The following SLC16A12 variants were observed in gnomAD, a reference collection of about 807,000 sequenced individuals.
The protein encoded by SLC16A12 is solute carrier family 16 member 12.
In SLC16A12, 17 loss-of-function variants were observed where a neutral mutation model predicts 42.4. The observed-to-expected ratio is 0.40, with a 90% CI of 0.27 to 0.60. SLC16A12 has a LOEUF of 0.60. SLC16A12 is among the 20% of genes least tolerant of loss of function. The pLI, the probability that SLC16A12 is intolerant of heterozygous loss-of-function variation, is 0.42. For synonymous variants in SLC16A12, 224 were observed against 229.4 expected (o/e 0.98, Z 0.21); for missense variants, 544 against 623.0 (o/e 0.87, Z 1.35).
chr10:89,454,127 G>A (rs946441988), intron 3 of SLC16A12, among the ~76,000 whole-genome samples: 5 of 151,646 alleles, frequency 3.3e-5, no homozygotes, highest in African/African-American at 4.8e-5. Flanking sequence ...CAAGCGATTC[G>A]CCTACCCCCT....
intron 2 of SLC16A12, among the ~76,000 whole-genome samples, chr10:89,493,029 G>A (rs1842868971): frequency 6.6e-6 from 1 of 151,968 alleles, no homozygotes; most frequent in Admixed American, 6.6e-5. Context: ...TTCTTTTCAT[G>A]GGGTTCCCAA....
chr10:89,491,136 A>C (rs1258756235), intron 2 of SLC16A12, among the ~76,000 whole-genome samples: 1 of 152,238 alleles, frequency 6.6e-6, no homozygotes, highest in Non-Finnish European at 1.5e-5. Flanking sequence ...CCATGAGGCA[A>C]AAGATGCGTC....
intron 2 of SLC16A12, among the ~76,000 whole-genome samples, chr10:89,468,660 C>G (rs1314332532): frequency 2.0e-5 from 3 of 152,168 alleles, no homozygotes; most frequent in Admixed American, 2.0e-4. Context: ...CAAAACAGGT[C>G]ATTTAATAGA....
At chr10:89,555,479 ATATATACGTATATATACG>A (rs1346352982) in intron 2 of SLC16A12, among the ~76,000 whole-genome samples, 9 of 147,304 alleles carry the variant, frequency 6.1e-5, no homozygotes, top group African/African-American at 9.9e-5. Flanking sequence ...ATATATGTGT[ATATATACGTATATATACG>A]TATATACGTA....
intron 4 of SLC16A12, among the ~76,000 whole-genome samples, chr10:89,441,565 A>C (rs978993103): frequency 6.6e-6 from 1 of 152,188 alleles, no homozygotes; most frequent in Non-Finnish European, 1.5e-5. Flanking sequence ...TCTAAATTAC[A>C]TGTCATTTGC....
chr10:89,488,225 G>A (rs1842792935), intron 2 of SLC16A12, among the ~76,000 whole-genome samples: 1 of 151,898 alleles, frequency 6.6e-6, no homozygotes, highest in African/African-American at 2.4e-5. Context: ...TATTCCCTGA[G>A]TCTACAGAAA....
intron 2 of SLC16A12, among the ~76,000 whole-genome samples, chr10:89,528,730 A>G (rs1389434208): frequency 6.6e-6 from 1 of 152,198 alleles, no homozygotes; most frequent in Non-Finnish European, 1.5e-5. Flanking sequence ...TAGTTTCTCA[A>G]CCCTGGCTGT....
intron 3 of SLC16A12, among the ~76,000 whole-genome samples, chr10:89,444,991 C>T (rs1009129185): frequency 1.1e-4 from 17 of 152,272 alleles, no homozygotes; most frequent in Non-Finnish European, 2.2e-4. Context: ...GAGCCTTGCT[C>T]ACTGCTAGCG....
At chr10:89,552,424 A>G (rs945798265) in intron 2 of SLC16A12, among the ~76,000 whole-genome samples, 10 of 152,242 alleles carry the variant, frequency 6.6e-5, no homozygotes, top group Non-Finnish European at 1.5e-4. Context: ...GGAGTTAGGC[A>G]TCATCTGGAG....
intron 2 of SLC16A12, among the ~76,000 whole-genome samples, chr10:89,488,310 T>C (rs1842794756): frequency 6.6e-6 from 1 of 152,276 alleles, no homozygotes; most frequent in South Asian, 2.1e-4. Flanking sequence ...AAAGAATGAA[T>C]AGCAGCTACT....
chr10:89,483,761 A>AAC (rs1842706363), intron 2 of SLC16A12, among the ~76,000 whole-genome samples: 1 of 151,662 alleles, frequency 6.6e-6, no homozygotes, highest in African/African-American at 2.4e-5. Flanking sequence ...AAACAAAAAA[A>AAC]AAAAAACGGA....
chr10:89,444,391 T>C (rs562849804), intron 3 of SLC16A12, among the ~76,000 whole-genome samples: 4 of 152,270 alleles, frequency 2.6e-5, no homozygotes. Context: ...TATAAGAGGA[T>C]ATATTCTGGA....
chr10:89,502,575 G>C (rs1843004754), intron 2 of SLC16A12, among the ~76,000 whole-genome samples: 1 of 152,206 alleles, frequency 6.6e-6, no homozygotes, highest in Non-Finnish European at 1.5e-5. Flanking sequence ...GCTTGCCCAG[G>C]AGTTTGCAGC....
rs1841779708 is a variant in SLC16A12, at chr10:89,436,047, T to G, written c.1288+13A>C. 1.2e-6 allele frequency: 2 copies of G among 1,613,548 alleles called. No individual in the cohort carries two copies. Among genetic ancestry groups the G allele is most frequent in the Middle Eastern group, 1.7e-4 (1 of 5,982 alleles). ...AGAGAAAAGGTGGTTGGGGTTTCTC[T>G]CTGGAAACTTACCTGCGATGGGTGG... On this transcript the variant is annotated intron_variant, in intron 7 of 7. Coordinates refer to ENST00000371790, the MANE Select transcript of SLC16A12 (RefSeq NM_213606.4).
intron 2 of SLC16A12, among the ~76,000 whole-genome samples, chr10:89,533,949 T>A (rs1843603118): frequency 6.6e-6 from 1 of 152,150 alleles, no homozygotes; most frequent in Non-Finnish European, 1.5e-5. Flanking sequence ...CTGAGTTAGG[T>A]GGGAATGAGA....
chr10:89,555,497 G>A (rs921475487), intron 2 of SLC16A12, among the ~76,000 whole-genome samples: 3 of 120,296 alleles, frequency 2.5e-5, no homozygotes, highest in African/African-American at 8.7e-5. Flanking sequence ...GTATATATAC[G>A]TATATACGTA....
chr10:89,532,229 G>A (rs925419509), intron 2 of SLC16A12, among the ~76,000 whole-genome samples: 2 of 151,964 alleles, frequency 1.3e-5, no homozygotes, highest in African/African-American at 4.8e-5. Flanking sequence ...AACCCTACTC[G>A]TCAATGCGCG....
Position 89,433,012 on chromosome 10 carries a change from T to C in SLC16A12, c.*52A>G. On this transcript the variant is annotated 3_prime_UTR_variant, in exon 8 of 8. Transcript: ENST00000371790. ...AAAAGTTTCAGAAACATGAAGAATCTGGTGGCCCCACCTCTCTCAAACCTG... is the reference window on the plus strand; with the variant it reads ...AAAAGTTTCAGAAACATGAAGAATCCGGTGGCCCCACCTCTCTCAAACCTG... The C allele has an allele frequency of 6.2e-7, 1 of 1,602,954 alleles. No individual in the cohort carries two copies. The highest frequency in any genetic ancestry group is 8.5e-7 in the Non-Finnish European group (1 of 1,177,506).
intron 2 of SLC16A12, among the ~76,000 whole-genome samples, chr10:89,524,698 A>G (rs1843420553): frequency 6.6e-6 from 1 of 152,086 alleles, no homozygotes; most frequent in African/African-American, 2.4e-5. Flanking sequence ...AAGGCTTTCC[A>G]TCTCCTGGGA....
Sources: allele counts gnomAD v4.1 joint callset (sites outside exome capture counted in the v4.1 genomes callset), GRCh38; gene constraint gnomAD v4.1.1; transcripts MANE v1.5; gene names NCBI Gene and HGNC (gene_info 2026-07-23, HGNC 2026-07-21).